Variants in TMEM163 observed in about 807,000 individuals in gnomAD.
TMEM163 encodes transmembrane protein 163.
In TMEM163, 17 loss-of-function variants were observed where a neutral mutation model predicts 29.3. The ratio of observed to expected loss-of-function variants is 0.58; its 90% CI spans 0.40 to 0.87. TMEM163 has a LOEUF of 0.87. Among genes scored for constraint, TMEM163 ranks in the 40% least tolerant of loss-of-function variants. The probability of loss-of-function intolerance (pLI) is 0.00; values close to 1 mark genes in which losing one functional copy is unlikely to be tolerated. For missense variants in TMEM163, 303 were observed against 381.5 expected, an observed-to-expected ratio of 0.79 and a Z score of 1.71; for synonymous variants, 157 against 160.6, an observed-to-expected ratio of 0.98 and a Z score of 0.17.
In TMEM163 at chr2:134,459,726, C is replaced by T. The variant is rs144635158; in HGVS notation, c.668-1553G>A. 2.3e-3 allele frequency among the ~76,000 whole-genome samples: 352 copies of T among 151,966 alleles called. 3 individuals carry two copies. Among genetic ancestry groups the T allele is most frequent in the African/African-American group, 8.2e-3 (341 of 41,426 alleles). On this transcript the variant is annotated intron_variant, in intron 6 of 7. Coordinates refer to ENST00000281924, the MANE Select transcript of TMEM163 (RefSeq NM_030923.5). ...TGACAGGCCCCCTTTTGGTGGGGGT[C>T]AATCCCTAGCCCCACACCCCCCTCC...
At chr2:134,502,306 A>G (rs1019326374) in intron 5 of TMEM163, among the ~76,000 whole-genome samples, 2 of 152,184 alleles carry the variant, frequency 1.3e-5, no homozygotes, top group Non-Finnish European at 2.9e-5. Context: ...AGACTGCATG[A>G]CAGGAGGCTG....
chr2:134,578,056 T>A (rs1182207588), intron 2 of TMEM163, among the ~76,000 whole-genome samples: 1 of 152,160 alleles, frequency 6.6e-6, no homozygotes, highest in Non-Finnish European at 1.5e-5. Context: ...ATGACTCTAC[T>A]TCTATCATAA....
intron 2 of TMEM163, among the ~76,000 whole-genome samples, chr2:134,697,407 G>A (rs1005159175): frequency 3.3e-5 from 5 of 151,056 alleles, no homozygotes; most frequent in African/African-American, 1.2e-4. Context: ...TTTTTATCTT[G>A]TCTTGAATTT....
rs190782365 is a variant in TMEM163, at chr2:134,670,632, G to A, written c.322+42568C>T. 2.8e-4 allele frequency among the ~76,000 whole-genome samples: 43 copies of A among 152,306 alleles called. 1 individual carries two copies. Among genetic ancestry groups the A allele is most frequent in the South Asian group, 6.2e-4 (3 of 4,828 alleles). On this transcript the variant is annotated intron_variant, in intron 2 of 7. Transcript: ENST00000281924. The stretch of plus-strand genomic sequence containing the variant: ...GAGCTGCTGGAATACCATGGCTGTG[G>A]GCAACAGCAGCAAATGACACAGAAA...
intron 4 of TMEM163, among the ~76,000 whole-genome samples, chr2:134,506,437 T>C (rs1679825718): frequency 6.6e-6 from 1 of 152,168 alleles, no homozygotes; most frequent in African/African-American, 2.4e-5. Flanking sequence ...ATCAGTCCCC[T>C]GGAGGCCACT....
intron 2 of TMEM163, among the ~76,000 whole-genome samples, chr2:134,567,231 A>G (rs984109981): frequency 7.2e-5 from 11 of 152,212 alleles, no homozygotes; most frequent in Admixed American, 7.2e-4. Context: ...GCCACTGAGA[A>G]TCAGTAATTA....
intron 5 of TMEM163, among the ~76,000 whole-genome samples, chr2:134,473,188 C>A (rs1686841568): frequency 6.6e-6 from 1 of 151,974 alleles, no homozygotes; most frequent in South Asian, 2.1e-4. Flanking sequence ...AAAAGAAAAT[C>A]AAATTAATCC....
chr2:134,506,624 T>TCCTAACAG (rs1055156737), intron 4 of TMEM163, among the ~76,000 whole-genome samples: 2 of 152,100 alleles, frequency 1.3e-5, no homozygotes, highest in Non-Finnish European at 2.9e-5. Context: ...ACTGCCTCCC[T>TCCTAACAG]CCTAACAGCC....
At chr2:134,656,526 G>A (rs1215618530) in intron 2 of TMEM163, among the ~76,000 whole-genome samples, 1 of 152,162 alleles carries the variant, frequency 6.6e-6, no homozygotes, top group Non-Finnish European at 1.5e-5. Flanking sequence ...CTCACGCTGG[G>A]AGCTGTAGAC....
At chr2:134,457,500 TAGAAATGGTTCTCTGAA>T (rs1450219466) in intron 7 of TMEM163, among the ~76,000 whole-genome samples, 1 of 152,234 alleles carries the variant, frequency 6.6e-6, no homozygotes, top group Admixed American at 6.5e-5. Flanking sequence ...GAGCACCCTT[TAGAAATGGTTCTCTGAA>T]AGGCCAGCTC....
intron 2 of TMEM163, among the ~76,000 whole-genome samples, chr2:134,634,012 T>C (rs1332671979): frequency 3.5e-5 from 1 of 28,488 alleles, no homozygotes; most frequent in Non-Finnish European, 9.4e-5. Context: ...TATATATATA[T>C]ATATATATAA....
intron 2 of TMEM163, among the ~76,000 whole-genome samples, chr2:134,693,393 G>A (rs1684515414): frequency 6.6e-6 from 1 of 152,110 alleles, no homozygotes; most frequent in Non-Finnish European, 1.5e-5. Context: ...GATCACCTGA[G>A]GTCAGGAGTT....
intron 4 of TMEM163, among the ~76,000 whole-genome samples, chr2:134,523,113 A>G (rs530602491): frequency 6.6e-6 from 1 of 152,360 alleles, no homozygotes; most frequent in South Asian, 2.1e-4. Context: ...ATAAGACTGA[A>G]ACGTGTGTAC....
intron 2 of TMEM163, among the ~76,000 whole-genome samples, chr2:134,577,782 A>T (rs905234517): frequency 2.1e-5 from 3 of 142,146 alleles, no homozygotes; most frequent in African/African-American, 7.8e-5. Context: ...TTATCTGTGG[A>T]TTCAATCAAC....
In TMEM163 at chr2:134,626,010, T is replaced by C. The variant is rs114380925; in HGVS notation, c.323-73919A>G. On this transcript the variant is annotated intron_variant, in intron 2 of 7. Coordinates refer to ENST00000281924, the MANE Select transcript of TMEM163 (RefSeq NM_030923.5). ...TTAGTTTACAATTGGACATCAGAAA[T>C]CGTCTCACTGGAAATCAAGACATTG... is the stretch of plus-strand genomic sequence containing the variant. 6.5e-3 allele frequency among the ~76,000 whole-genome samples: 984 copies of C among 150,488 alleles called. 17 individuals carry two copies. Among genetic ancestry groups the C allele is most frequent in the African/African-American group, 0.023 (946 of 41,120 alleles).
At chr2:134,474,765 C>A (rs1026442574) in intron 5 of TMEM163, among the ~76,000 whole-genome samples, 2 of 152,042 alleles carry the variant, frequency 1.3e-5, no homozygotes, top group Non-Finnish European at 2.9e-5. Context: ...TTTAAAGTAG[C>A]ACAAAAATAC....
chr2:134,530,465 C>G (rs1188642448), intron 4 of TMEM163, among the ~76,000 whole-genome samples: 2 of 152,074 alleles, frequency 1.3e-5, no homozygotes, highest in African/African-American at 4.8e-5. Flanking sequence ...TTTGTAGAGA[C>G]AGGGTCTCAC....
At chr2:134,482,947 C>G (rs1248635294) in intron 5 of TMEM163, among the ~76,000 whole-genome samples, 9 of 152,060 alleles carry the variant, frequency 5.9e-5, no homozygotes, top group African/African-American at 1.7e-4. Context: ...GGCCGGCTGG[C>G]CAACCTGCCA....
intron 3 of TMEM163, 71 bp from the exon 4 acceptor site, chr2:134,550,732 A>G: frequency 1.4e-6 from 2 of 1,418,450 alleles, no homozygotes; most frequent in Non-Finnish European, 2.0e-6. Flanking sequence ...ACACAGGACA[A>G]CTGTGCTGTG....
Sources: gnomAD v4.1 joint callset for allele counts (sites outside exome capture counted in the v4.1 genomes callset) on GRCh38, gnomAD v4.1.1 for gene constraint, MANE v1.5 for transcripts, NCBI Gene and HGNC (gene_info 2026-07-23, HGNC 2026-07-21) for gene names.